Variants in GGT5 observed in about 807,000 individuals in gnomAD.
GGT5 encodes the protein glutathione hydrolase 5 proenzyme.
In GGT5, 50 loss-of-function variants were observed where a neutral mutation model predicts 58.1. The observed-to-expected ratio is 0.86, with a 90% CI of 0.69 to 1.09. The LOEUF is 1.09. GGT5 is among the 50% of genes least tolerant of loss of function. The pLI is 0.00. For synonymous variants in GGT5, 370 were observed against 346.1 expected, an observed-to-expected ratio of 1.07 and a Z score of -0.77; for missense variants, 800 against 789.4, an observed-to-expected ratio of 1.01 and a Z score of -0.16.
chr22:24,229,613 C>T (rs1019594350), intron 6 of GGT5, among the ~76,000 whole-genome samples: 11 of 151,170 alleles, frequency 7.3e-5, no homozygotes, highest in African/African-American at 2.7e-4. Context: ...AGGCAGATCA[C>T]TTGAAGTCAG....
At chr22:24,229,567 C>T (rs1741544791) in intron 6 of GGT5, among the ~76,000 whole-genome samples, 1 of 151,674 alleles carries the variant, frequency 6.6e-6, no homozygotes, top group African/African-American at 2.4e-5. Context: ...TGCGGTGGCT[C>T]ATGCCTGTAA....
In GGT5 at chr22:24,226,709, G is replaced by A. The variant is rs1362165231; in HGVS notation, c.960C>T (p.His320=). The change falls in exon 7 of 12, where the codon CAC becomes CAT. Residue 320 remains histidine, a synonymous_variant. Coordinates refer to ENST00000327365, the MANE Select transcript of GGT5 (RefSeq NM_004121.5). ...ARPEGRVNVY[H]HLVETLKFAK... is the part of the protein sequence containing the mutation. ...CAAACTTGAGCGTCTCTACAAGGTGGTGGTACACGTTCACCCTCCCTTCAG... is the reference window on the plus strand; with the variant it reads ...CAAACTTGAGCGTCTCTACAAGGTGATGGTACACGTTCACCCTCCCTTCAG... 3.7e-6 allele frequency: 6 copies of A among 1,613,484 alleles called. No homozygotes were observed. In the South Asian group the frequency reaches 5.5e-5, roughly 15 times the overall value.
Position 24,238,161 on chromosome 22 carries a change from G to A in GGT5, c.174-4157C>T, listed in dbSNP as rs533447712. Among the ~76,000 whole-genome samples, 211 of 150,594 alleles carry A rather than the reference G, an allele frequency of 1.4e-3. 1 individual carries two copies. Among genetic ancestry groups the A allele is most frequent in the African/African-American group, 4.9e-3 (201 of 40,888 alleles). ...CAAGAAACATTTGAACCCAGCAGGT[G>A]GAGGTTGCAGGAAGCCGAGATCTTC... On this transcript the variant is annotated intron_variant, in intron 1 of 11. Transcript: ENST00000327365.
At position 24,244,294 on chromosome 22, in the gene GGT5, T is replaced by TGC. The variant is rs1556060715; in HGVS notation, c.173+257_173+258dup. On this transcript the variant is annotated intron_variant, in intron 1 of 11. Coordinates refer to ENST00000327365, the MANE Select transcript of GGT5 (RefSeq NM_004121.5). ...CTCCTGCTTCCTGGGCCAGTGCACG[T>TGC]GCACACACACACACACACACACCCA... is the stretch of plus-strand genomic sequence containing the variant. 19 of 367,224 alleles carry TGC rather than the reference T, an allele frequency of 5.2e-5. No individual in the cohort carries two copies. The Admixed American group carries it at 8.0e-4, about 16-fold the overall frequency. 22.7% of individuals were successfully genotyped at this position (367,224 alleles called of 1,614,324 possible). A position where few individuals can be genotyped will look rare whatever the true frequency, so the allele number is the denominator to read the frequency against.
chr22:24,236,910 G>C (rs1166802719), intron 1 of GGT5, among the ~76,000 whole-genome samples: 1 of 152,002 alleles, frequency 6.6e-6, no homozygotes, highest in African/African-American at 2.4e-5. Context: ...GAAGTACAGG[G>C]CTGGAGACAG....
chr22:24,238,817 ATAT>A (rs2048199590), intron 1 of GGT5, among the ~76,000 whole-genome samples: 1 of 2,028 alleles, frequency 4.9e-4, no homozygotes, highest in South Asian at 9.6e-3. Context: ...AATATATTAT[ATAT>A]ATATATATAT....
In GGT5 at chr22:24,219,751, G is replaced by A; in HGVS notation, c.*219C>T. Reference sequence around the variant, plus strand: ...GGCAAGAGGCCTGCGGAGGGATAGAGGGGCCGGTTCAGGACCACCAGGGGC... The same window carrying A: ...GGCAAGAGGCCTGCGGAGGGATAGAAGGGCCGGTTCAGGACCACCAGGGGC... On this transcript the variant is annotated 3_prime_UTR_variant, in exon 12 of 12. Transcript: ENST00000327365. The A allele has an allele frequency of 1.8e-6, 1 of 567,096 alleles. No individual in the cohort carries two copies. Among genetic ancestry groups the A allele is most frequent in the East Asian group, 2.9e-5 (1 of 34,302 alleles). 35.1% of individuals were successfully genotyped at this position (567,096 alleles called of 1,614,324 possible).
chr22:24,224,472 C>T (rs996634410), intron 11 of GGT5, among the ~76,000 whole-genome samples: 8 of 151,308 alleles, frequency 5.3e-5, no homozygotes, highest in Admixed American at 5.3e-4. Context: ...GAGCTGTGAT[C>T]GCAACACTGC....
intron 6 of GGT5, among the ~76,000 whole-genome samples, chr22:24,227,146 C>T (rs768053997): frequency 2.0e-5 from 3 of 150,270 alleles, no homozygotes; most frequent in South Asian, 2.1e-4. Flanking sequence ...GACAGGATTT[C>T]GCCATGTTGT....
chr22:24,244,868 A>C lies in GGT5; in HGVS notation c.-143T>G. ...CAGGTGGGGGCTGAAGACAGACACG[A>C]AGATGGATCGACAGATAGGCCAGAT... On this transcript the variant is annotated 5_prime_UTR_variant, in exon 1 of 12. Coordinates refer to ENST00000327365, the MANE Select transcript of GGT5 (RefSeq NM_004121.5). 7.0e-7 allele frequency: 1 copy of C among 1,418,442 alleles called. No individual in the cohort carries two copies. The highest frequency in any genetic ancestry group is 9.2e-7 in the Non-Finnish European group (1 of 1,082,084). 87.9% of individuals were successfully genotyped at this position (1,418,442 alleles called of 1,614,324 possible).
intron 6 of GGT5, among the ~76,000 whole-genome samples, chr22:24,228,758 T>C (rs12158478): frequency 6.7e-6 from 1 of 150,124 alleles, no homozygotes; most frequent in Non-Finnish European, 1.5e-5. Flanking sequence ...CCCGAAACAG[T>C]TATATACCAA....
chr22:24,223,778 T>C (rs1035240176), intron 11 of GGT5, among the ~76,000 whole-genome samples: 3 of 146,038 alleles, frequency 2.1e-5, no homozygotes, highest in African/African-American at 7.8e-5. Context: ...TTTTTTTTTT[T>C]TGAGATGGAG....
intron 1 of GGT5, 197 bp downstream of exon 1, chr22:24,244,346 ATCACACACAT>A (rs1428457986): frequency 7.1e-6 from 4 of 560,718 alleles, no homozygotes; most frequent in Non-Finnish European, 3.2e-6. Flanking sequence ...CCCACACACA[ATCACACACAT>A]TCACACACAC....
At position 24,224,771 on chromosome 22, in the gene GGT5, G is replaced by T. The variant is rs932089457; in HGVS notation, c.1614+225C>A. ...CAAGGTGCTGAGATCCTCAGCCTGG[G>T]AGCAGCATAGACAATACCCTGCTCT... On this transcript the variant is annotated intron_variant, in intron 11 of 11. Coordinates refer to ENST00000327365, the MANE Select transcript of GGT5 (RefSeq NM_004121.5). Among the ~76,000 whole-genome samples the T allele has an allele frequency of 1.1e-4, 17 of 152,334 alleles. No homozygotes were observed. In the South Asian group the frequency reaches 3.3e-3, roughly 30 times the overall value.
Position 24,221,321 on chromosome 22 carries a change from AT to A in GGT5, c.1615-1206del, listed in dbSNP as rs548910386. On this transcript the variant is annotated intron_variant, in intron 11 of 11. Transcript: ENST00000327365. ...GGAGTCACGCAGCTGAAGGCTAAAG[AT>A]TCTGACCCTCCCTAAACTGCTCTTA... is the stretch of plus-strand genomic sequence containing the variant. 2.2e-3 allele frequency among the ~76,000 whole-genome samples: 327 copies of A among 151,668 alleles called. 2 individuals carry two copies. The highest frequency in any genetic ancestry group is 7.7e-3 in the African/African-American group (314 of 41,032).
At chr22:24,244,278 C>T (rs1181311066) in intron 1 of GGT5, 4 of 414,998 alleles carry the variant, frequency 9.6e-6, no homozygotes, top group Non-Finnish European at 1.8e-5. Flanking sequence ...GCTCCTGCTT[C>T]CTGGGCCAGT....
intron 8 of GGT5, 45 bp downstream of exon 8, chr22:24,226,031 G>A (rs1330365851): frequency 7.3e-7 from 1 of 1,368,556 alleles, no homozygotes; most frequent in Non-Finnish European, 1.0e-6. Context: ...GCAGGTCTAG[G>A]AGAGGAGGAG....
At chr22:24,242,873 C>T (rs1365623215) in intron 1 of GGT5, 1 of 152,266 alleles carries the variant, frequency 6.6e-6, no homozygotes, top group East Asian at 1.9e-4. Flanking sequence ...GCCCCAGGCT[C>T]TCTTCCACTC....
rs748534823 is a variant in GGT5 at position 24,232,012 on chromosome 22, T to C, written c.754+39A>G. On this transcript the variant is annotated intron_variant, in intron 5 of 11. Coordinates refer to ENST00000327365, the MANE Select transcript of GGT5 (RefSeq NM_004121.5). ...CCAGTGCCCAGAACTTGGCTCTTCC[T>C]CCAGCAGGGATGGGGTATGGAACCT... 9 of 1,581,232 alleles carry C rather than the reference T, an allele frequency of 5.7e-6. No homozygotes were observed. The East Asian group carries it at 2.0e-4, about 35-fold the overall frequency.
Sources: allele counts gnomAD v4.1 joint callset (sites outside exome capture counted in the v4.1 genomes callset), GRCh38; gene constraint gnomAD v4.1.1; transcripts MANE v1.5; gene names NCBI Gene and HGNC (gene_info 2026-07-23, HGNC 2026-07-21).